The following GASK1A variants were observed in gnomAD, a reference collection of about 807,000 sequenced individuals.
GASK1A encodes the protein golgi associated kinase 1A.
Under a neutral mutation model 41.2 loss-of-function variants are expected in GASK1A, and 40 were observed. The ratio of observed to expected loss-of-function variants is 0.97; its 90% CI spans 0.75 to 1.27. GASK1A has a LOEUF of 1.27. Ranked by LOEUF, GASK1A falls within the 50% of genes most tolerant of loss-of-function variation. The probability of loss-of-function intolerance (pLI) is 0.00; values close to 1 mark genes in which losing one functional copy is unlikely to be tolerated. For synonymous variants in GASK1A, 316 were observed against 307.1 expected, an observed-to-expected ratio of 1.03 and a Z score of -0.30; for missense variants, 678 against 745.1, an observed-to-expected ratio of 0.91 and a Z score of 1.05.
At chr3:42,980,001 T>C (rs1333786133) in intron 1 of GASK1A, among the ~76,000 whole-genome samples, 1 of 152,212 alleles carries the variant, frequency 6.6e-6, no homozygotes, top group African/African-American at 2.4e-5. Context: ...TCTGATGAGA[T>C]GCTTTTGAAG....
intron 1 of GASK1A, among the ~76,000 whole-genome samples, chr3:43,026,619 G>A (rs1238342813): frequency 6.6e-6 from 1 of 152,158 alleles, no homozygotes; most frequent in African/African-American, 2.4e-5. Context: ...CTGGAAAGAA[G>A]TAGGGAAAAG....
Position 43,057,088 on chromosome 3 carries a change from C to T in GASK1A, c.*702C>T, listed in dbSNP as rs1224705762. ...AAATGAAAGTGTGGTCATGCTTTGTCAACTCACTATATTTTTACTTTATTA... is the reference window on the plus strand; with the variant it reads ...AAATGAAAGTGTGGTCATGCTTTGTTAACTCACTATATTTTTACTTTATTA... On this transcript the variant is annotated 3_prime_UTR_variant, in exon 5 of 5. Transcript: ENST00000430121. 2 of 152,276 alleles carry T rather than the reference C, an allele frequency of 1.3e-5. No homozygotes were observed. The highest frequency in any genetic ancestry group is 2.1e-4 in the South Asian group (1 of 4,826). The allele number at this position is 152,276 out of a possible 1,614,324, so 9.4% of individuals were successfully genotyped here.
chr3:43,035,223 C>T (rs538107211), intron 2 of GASK1A, among the ~76,000 whole-genome samples: 1 of 152,314 alleles, frequency 6.6e-6, no homozygotes, highest in Admixed American at 6.5e-5. Context: ...TGAGCCTGAC[C>T]ATTTAGTACA....
chr3:42,988,910 G>A (rs549561536), intron 1 of GASK1A, among the ~76,000 whole-genome samples: 1 of 152,384 alleles, frequency 6.6e-6, no homozygotes, highest in Admixed American at 6.5e-5. Context: ...AGCCAGACAG[G>A]CTTTGCAGCA....
At chr3:43,029,228 G>A (rs375976464) in intron 1 of GASK1A, among the ~76,000 whole-genome samples, 6 of 152,020 alleles carry the variant, frequency 3.9e-5, no homozygotes, top group African/African-American at 1.5e-4. Flanking sequence ...TGCAAGGGAG[G>A]CTTTGGTTAT....
rs2089582516 is a variant in GASK1A, at chr3:43,032,580, A to AAG, written c.317_318insAG (p.Ser107GlyfsTer13). 2 of 1,551,186 alleles carry AAG rather than the reference A, an allele frequency of 1.3e-6. No homozygotes were observed. Among genetic ancestry groups the AAG allele is most frequent in the Non-Finnish European group, 1.7e-6 (2 of 1,146,642 alleles). The stretch of plus-strand genomic sequence containing the variant: ...AGAGCAAGAGTGGACAGAAGCAGGG[A>AAG]GTCCCCAGGAGGGGACCTCAGGCAT... On this transcript the variant is annotated frameshift_variant, in exon 2 of 5. Transcript: ENST00000430121. LOFTEE classifies it high-confidence loss of function.
intron 1 of GASK1A, among the ~76,000 whole-genome samples, chr3:43,017,448 AAG>A (rs2089498236): frequency 6.8e-6 from 1 of 146,980 alleles, no homozygotes. Flanking sequence ...AGTCACAAGA[AAG>A]GGCTGTGTGA....
chr3:43,009,973 C>T (rs924368085), intron 1 of GASK1A, among the ~76,000 whole-genome samples: 8 of 152,316 alleles, frequency 5.3e-5, no homozygotes, highest in Middle Eastern at 3.4e-3. Flanking sequence ...CAGTGCTTGG[C>T]ATTAGGGGAG....
chr3:43,003,264 G>T (rs538734727), intron 1 of GASK1A, among the ~76,000 whole-genome samples: 15 of 152,142 alleles, frequency 9.9e-5, no homozygotes, highest in Non-Finnish European at 2.1e-4. Flanking sequence ...GGAGGCCAAG[G>T]CAGGCAGATC....
At position 43,033,416 on chromosome 3, in the gene GASK1A, C is replaced by T. The variant is rs764456258; in HGVS notation, c.1153C>T (p.Gln385Ter). ...VQHLSDPDED[Q>*]NSLALGWLQY... ...GCACCTGAGCGACCCAGATGAGGATCAGAACTCTCTGGCCTTGGGCTGGCT... is the reference window on the plus strand; with the variant it reads ...GCACCTGAGCGACCCAGATGAGGATTAGAACTCTCTGGCCTTGGGCTGGCT... The change falls in exon 2 of 5, where the codon CAG becomes TAG. Residue 385 changes from glutamine (Q) to a stop codon, truncating the protein, a stop_gained. Coordinates refer to ENST00000430121, the MANE Select transcript of GASK1A (RefSeq NM_001129908.3). LOFTEE classifies it high-confidence loss of function. 3.3e-5 allele frequency: 51 copies of T among 1,551,490 alleles called. No individual in the cohort carries two copies. Among genetic ancestry groups the T allele is most frequent in the African/African-American group, 6.8e-5 (5 of 73,072 alleles).
At chr3:42,991,391 C>T (rs976663753) in intron 1 of GASK1A, among the ~76,000 whole-genome samples, 9 of 152,152 alleles carry the variant, frequency 5.9e-5, no homozygotes, top group Admixed American at 3.9e-4. Context: ...TCTACCCACT[C>T]CATGCACTTA....
intron 2 of GASK1A, among the ~76,000 whole-genome samples, chr3:43,052,902 G>T (rs1006587096): frequency 3.9e-5 from 6 of 152,202 alleles, no homozygotes; most frequent in Non-Finnish European, 8.8e-5. Flanking sequence ...GCAAGTGAGT[G>T]GGAAGTGTGA....
At position 43,005,715 on chromosome 3, in the gene GASK1A, G is replaced by A. The variant is rs147804510; in HGVS notation, c.3+26070G>A. Among the ~76,000 whole-genome samples, 755 of 152,290 alleles carry A rather than the reference G, an allele frequency of 5.0e-3. 11 individuals are homozygous for A. The highest frequency in any genetic ancestry group is 0.017 in the African/African-American group (699 of 41,550). On this transcript the variant is annotated intron_variant, in intron 1 of 4. Coordinates refer to ENST00000430121, the MANE Select transcript of GASK1A (RefSeq NM_001129908.3). ...GAAAAAAAAATCGTAGGCTGGGGTTGCTAAGATCTGCAGTAAGAATGAATC... is the reference window on the plus strand; with the variant it reads ...GAAAAAAAAATCGTAGGCTGGGGTTACTAAGATCTGCAGTAAGAATGAATC...
intron 1 of GASK1A, among the ~76,000 whole-genome samples, chr3:42,983,885 G>A (rs1312952494): frequency 2.0e-5 from 3 of 152,304 alleles, no homozygotes; most frequent in Middle Eastern, 3.4e-3. Flanking sequence ...CAGGGATGTC[G>A]GGGGTGGTGG....
At chr3:43,020,763 T>G (rs2089517192) in intron 1 of GASK1A, among the ~76,000 whole-genome samples, 1 of 152,168 alleles carries the variant, frequency 6.6e-6, no homozygotes, top group South Asian at 2.1e-4. Flanking sequence ...ATGCTTCACC[T>G]GGGGCAAGCT....
chr3:43,006,689 T>C (rs573306037), intron 1 of GASK1A, among the ~76,000 whole-genome samples: 2 of 152,350 alleles, frequency 1.3e-5, no homozygotes, highest in African/African-American at 4.8e-5. Flanking sequence ...TGTCTTAACC[T>C]GGTTTTCTAA....
chr3:42,987,710 AGAGAGAGGCTG>A (rs2089319250), intron 1 of GASK1A, among the ~76,000 whole-genome samples: 1 of 152,150 alleles, frequency 6.6e-6, no homozygotes, highest in African/African-American at 2.4e-5. Context: ...AGAGTAGGAT[AGAGAGAGGCTG>A]GGTGTGGTGG....
chr3:42,987,979 A>G (rs954567154), intron 1 of GASK1A, among the ~76,000 whole-genome samples: 1 of 76,466 alleles, frequency 1.3e-5, no homozygotes, highest in Non-Finnish European at 2.6e-5. Context: ...AGCCTCGGCG[A>G]CAGAGCGAGA....
intron 1 of GASK1A, among the ~76,000 whole-genome samples, chr3:43,013,220 G>A (rs1490134524): frequency 6.6e-6 from 1 of 151,542 alleles, no homozygotes; most frequent in Non-Finnish European, 1.5e-5. Context: ...GAAGTCACAG[G>A]GAGTGGCTGT....
Sources: allele counts gnomAD v4.1 joint callset (sites outside exome capture counted in the v4.1 genomes callset), GRCh38; gene constraint gnomAD v4.1.1; transcripts MANE v1.5; gene names NCBI Gene and HGNC (gene_info 2026-07-23, HGNC 2026-07-21).